The following KCNJ1 variants were observed in gnomAD, a reference collection of about 807,000 sequenced individuals.
KCNJ1 encodes the protein potassium inwardly rectifying channel subfamily J member 1, also known as ATP-sensitive inward rectifier potassium channel 1.
A neutral mutation model predicts 21.9 loss-of-function variants in KCNJ1; 24 were observed. The ratio of observed to expected loss-of-function variants is 1.10; its 90% CI spans 0.79 to 1.54. The LOEUF is 1.54. Ranked by LOEUF, KCNJ1 falls within the 40% of genes most tolerant of loss-of-function variation. KCNJ1 has a pLI of 0.00. For synonymous variants in KCNJ1, 152 were observed against 160.9 expected (o/e 0.94, Z 0.42); for missense variants, 457 against 455.4 (o/e 1.00, Z -0.03).
chr11:128,857,956 G>A (rs1184569533), intron 1 of KCNJ1, among the ~76,000 whole-genome samples: 1 of 152,108 alleles, frequency 6.6e-6, no homozygotes, highest in African/African-American at 2.4e-5. Flanking sequence ...CCTAATTTTA[G>A]CATTTATTGG....
chr11:128,850,677 C>G, intron 2 of KCNJ1, 44 bp downstream of exon 2: 1 of 916,168 alleles, frequency 1.1e-6, no homozygotes, highest in African/African-American at 1.8e-5. Context: ...TTTCTTGTAG[C>G]CTGGGGTGTC....
intron 1 of KCNJ1, among the ~76,000 whole-genome samples, chr11:128,863,116 G>A (rs2135962793): frequency 6.6e-6 from 1 of 152,340 alleles, no homozygotes; most frequent in Admixed American, 6.5e-5. Context: ...GAGAACTTGG[G>A]CTGTTTTAAC....
Position 128,839,494 on chromosome 11 carries a change from G to A in KCNJ1, c.750C>T (p.Tyr250=), listed in dbSNP as rs145188293. ...NLFFISPLTI[Y]HVIDHNSPFF... is the part of the protein sequence containing the mutation. The stretch of plus-strand genomic sequence containing the variant: ...AAGGGCTGTTGTGATCAATGACATG[G>A]TAAATTGTCAATGGGGAGATGAAGA... Residue 250 remains tyrosine, a synonymous_variant, in exon 3 of 3, where the codon TAC becomes TAT. Transcript: ENST00000392666. 1.2e-6 allele frequency: 2 copies of A among 1,614,040 alleles called. No individual in the cohort carries two copies. Among genetic ancestry groups the A allele is most frequent in the Non-Finnish European group, 1.7e-6 (2 of 1,180,000 alleles).
Position 128,838,541 on chromosome 11 carries a change from T to C in KCNJ1, c.*584A>G, listed in dbSNP as rs1156629253. ...TCTTGCAGGAAGGTATCATCAAGAT[T>C]CTAGTGTGCAGATTTAGCCTCTGTC... On this transcript the variant is annotated 3_prime_UTR_variant, in exon 3 of 3. Transcript: ENST00000392666. The C allele has an allele frequency of 6.5e-6, 1 of 154,486 alleles. No individual in the cohort carries two copies. The highest frequency in any genetic ancestry group is 1.4e-5 in the Non-Finnish European group (1 of 69,734). 9.6% of individuals were successfully genotyped at this position (154,486 alleles called of 1,614,324 possible).
rs543541038 is a variant in KCNJ1, at chr11:128,849,680, A to C, written c.-22+1041T>G. ...AGAATTAAGAAGCAGCCATGAGAGCAGCTGAAGATACACTGTCCAGCATCA... is the reference window on the plus strand; with the variant it reads ...AGAATTAAGAAGCAGCCATGAGAGCCGCTGAAGATACACTGTCCAGCATCA... On this transcript the variant is annotated intron_variant, in intron 2 of 2. Coordinates refer to ENST00000392666, the MANE Select transcript of KCNJ1 (RefSeq NM_153766.3). Among the ~76,000 whole-genome samples, 9 of 152,366 alleles carry C rather than the reference A, an allele frequency of 5.9e-5. 1 individual carries two copies. In the South Asian group the frequency reaches 1.9e-3, roughly 32 times the overall value.
At chr11:128,854,943 C>T (rs1423900053) in intron 1 of KCNJ1, among the ~76,000 whole-genome samples, 1 of 152,186 alleles carries the variant, frequency 6.6e-6, no homozygotes, top group Non-Finnish European at 1.5e-5. Context: ...CTGGAGCGCA[C>T]GTGCAGGCTC....
intron 2 of KCNJ1, among the ~76,000 whole-genome samples, chr11:128,844,397 G>A (rs1943343663): frequency 6.6e-6 from 1 of 152,224 alleles, no homozygotes; most frequent in Non-Finnish European, 1.5e-5. Context: ...AGAACGAAAG[G>A]AGAAACTGTT....
At chr11:128,857,109 G>C (rs1284244670) in intron 1 of KCNJ1, among the ~76,000 whole-genome samples, 1 of 152,066 alleles carries the variant, frequency 6.6e-6, no homozygotes, top group African/African-American at 2.4e-5. Flanking sequence ...TCTGCAATGT[G>C]CGGCGCAGCT....
chr11:128,848,118 C>T (rs926259288), intron 2 of KCNJ1, among the ~76,000 whole-genome samples: 2 of 151,978 alleles, frequency 1.3e-5, no homozygotes, highest in Non-Finnish European at 2.9e-5. Context: ...GAAACTCCGT[C>T]TCTACTAAAA....
rs752940363 is a variant in KCNJ1, at chr11:128,839,278, G to A, written c.966C>T (p.Phe322=). The A allele has an allele frequency of 6.2e-7, 1 of 1,613,986 alleles. No homozygotes were observed. Among genetic ancestry groups the A allele is most frequent in the African/African-American group, 1.3e-5 (1 of 74,878 alleles). ...CTTCCACTGTCTTGCTAAAGTTATGGAAATCCACTCGGTATTTCCCTTCCT... is the reference window on the plus strand; with the variant it reads ...CTTCCACTGTCTTGCTAAAGTTATGAAAATCCACTCGGTATTTCCCTTCCT... ...KTKEGKYRVD[F]HNFSKTVEVE... is the part of the protein sequence containing the mutation. The change falls in exon 3 of 3, where the codon TTC becomes TTT. Residue 322 remains phenylalanine, a synonymous_variant. Transcript: ENST00000392666.
At chr11:128,851,183 G>A (rs1172257714) in intron 1 of KCNJ1, among the ~76,000 whole-genome samples, 1 of 152,152 alleles carries the variant, frequency 6.6e-6, no homozygotes, top group Non-Finnish European at 1.5e-5. Flanking sequence ...CTCATGGTCT[G>A]TTTATTCTTA....
In KCNJ1 at chr11:128,840,086, A is replaced by T; in HGVS notation, c.158T>A (p.Val53Glu). 1 of 1,614,230 alleles carries T rather than the reference A, an allele frequency of 6.2e-7. No individual in the cohort carries two copies. The highest frequency in any genetic ancestry group is 1.3e-5 in the African/African-American group (1 of 75,060). Residue 53 changes from valine (V) to glutamate (E), a missense_variant, in exon 3 of 3, where the codon GTA becomes GAA. Transcript: ENST00000392666. ...TTTGTATCTCCACTTGAGGTCAAGT[A>T]CCGTTGTCCAGATGTCCACAAAGAA... ...FIFFVDIWTT[V>E]LDLKWRYKMT...
At chr11:128,855,418 A>G (rs1267484641) in intron 1 of KCNJ1, among the ~76,000 whole-genome samples, 1 of 152,224 alleles carries the variant, frequency 6.6e-6, no homozygotes, top group Non-Finnish European at 1.5e-5. Flanking sequence ...AACTGGGCTT[A>G]GTACTAACCA....
intron 2 of KCNJ1, among the ~76,000 whole-genome samples, chr11:128,846,023 A>G (rs1240477701): frequency 6.6e-6 from 1 of 152,232 alleles, no homozygotes; most frequent in Non-Finnish European, 1.5e-5. Flanking sequence ...CCAGCCATCC[A>G]GAGTATCACT....
rs376519780 is a variant in KCNJ1, at chr11:128,839,183, T to C, written c.1061A>G (p.Tyr354Cys). ...KDVRARMKRG[Y>C]DNPNFILSEV... is the part of the protein sequence containing the mutation. Reference sequence around the variant, plus strand: ...TGACAAGATGAAGTTGGGGTTGTCATAGCCTCTCTTCATCCTGGCTCTAAC... The same window carrying C: ...TGACAAGATGAAGTTGGGGTTGTCACAGCCTCTCTTCATCCTGGCTCTAAC... The change falls in exon 3 of 3, where the codon TAT becomes TGT. Residue 354 changes from tyrosine (Y) to cysteine (C), a missense_variant. Coordinates refer to ENST00000392666, the MANE Select transcript of KCNJ1 (RefSeq NM_153766.3). 5.6e-6 allele frequency: 9 copies of C among 1,614,084 alleles called. No homozygotes were observed. In the African/African-American group the frequency reaches 9.3e-5, roughly 17 times the overall value.
chr11:128,852,734 C>G (rs749034924), intron 1 of KCNJ1, among the ~76,000 whole-genome samples: 13 of 152,380 alleles, frequency 8.5e-5, no homozygotes, highest in Admixed American at 2.0e-4. Flanking sequence ...CCTCTCAGAA[C>G]AGGACACTGC....
At chr11:128,856,643 G>T (rs1186254498) in intron 1 of KCNJ1, among the ~76,000 whole-genome samples, 1 of 152,138 alleles carries the variant, frequency 6.6e-6, no homozygotes, top group Non-Finnish European at 1.5e-5. Flanking sequence ...TGTTGGTTTT[G>T]TTCAATTCAG....
chr11:128,854,787 G>A (rs976164192), intron 1 of KCNJ1, among the ~76,000 whole-genome samples: 5 of 152,276 alleles, frequency 3.3e-5, no homozygotes, highest in East Asian at 1.9e-4. Context: ...AGCACAAATC[G>A]TAATGATCTG....
At chr11:128,856,921 C>T (rs550068563) in intron 1 of KCNJ1, among the ~76,000 whole-genome samples, 1 of 152,050 alleles carries the variant, frequency 6.6e-6, no homozygotes, top group African/African-American at 2.4e-5. Flanking sequence ...GAGTCCACAC[C>T]GTCAGAGTGA....
Sources: gnomAD v4.1 joint callset for allele counts (sites outside exome capture counted in the v4.1 genomes callset) on GRCh38, gnomAD v4.1.1 for gene constraint, MANE v1.5 for transcripts, NCBI Gene and HGNC (gene_info 2026-07-23, HGNC 2026-07-21) for gene names.